EPB41L2: variants seen among roughly 807,000 people sequenced by gnomAD.
EPB41L2 encodes erythrocyte membrane protein band 4.1 like 2, also known as band 4.1-like protein 2.
EPB41L2 carries 43 observed loss-of-function variants against 113.0 expected under a neutral mutation model. The ratio of observed to expected loss-of-function variants is 0.38; its 90% CI spans 0.30 to 0.49. The LOEUF is 0.49. Ranked by LOEUF, EPB41L2 falls within the 20% of genes least tolerant of loss-of-function variation. EPB41L2 has a pLI of 0.95. For missense variants in EPB41L2, 1,147 were observed against 1,223.4 expected (o/e 0.94, Z 0.93); for synonymous variants, 442 against 436.7 (o/e 1.01, Z -0.15).
rs201844543 is a variant in EPB41L2, at chr6:131,048,155, A to G, written c.-15+15000T>C. 4.2e-4 allele frequency among the ~76,000 whole-genome samples: 39 copies of G among 93,772 alleles called. 2 individuals are homozygous for G. The highest frequency in any genetic ancestry group is 1.0e-3 in the South Asian group (3 of 2,910). The allele number at this position is 93,772 out of a possible 152,430, so 61.5% of individuals were successfully genotyped here. ...CTCTGTCTCAAAAAAAAAAAAAAAA[A>G]AAGAAAAAAAGAAAAGAAAAATCTA... On this transcript the variant is annotated intron_variant, in intron 1 of 19. Coordinates refer to ENST00000337057, the MANE Select transcript of EPB41L2 (RefSeq NM_001431.4).
chr6:131,003,687 T>A (rs1329023378), intron 1 of EPB41L2, among the ~76,000 whole-genome samples: 1 of 152,206 alleles, frequency 6.6e-6, no homozygotes, highest in African/African-American at 2.4e-5. Context: ...AAAACCATCA[T>A]ATTGTCATCT....
At chr6:131,006,711 T>G (rs1785640219) in intron 1 of EPB41L2, among the ~76,000 whole-genome samples, 1 of 151,990 alleles carries the variant, frequency 6.6e-6, no homozygotes, top group South Asian at 2.1e-4. Context: ...GAGTTAGATT[T>G]TTTAGCATTT....
chr6:131,025,333 A>G (rs951824416), intron 1 of EPB41L2, among the ~76,000 whole-genome samples: 2 of 152,180 alleles, frequency 1.3e-5, no homozygotes, highest in African/African-American at 4.8e-5. Context: ...TAATCATGAA[A>G]CCAACATCCT....
At chr6:130,949,760 C>T (rs1471655928) in intron 3 of EPB41L2, among the ~76,000 whole-genome samples, 1 of 152,060 alleles carries the variant, frequency 6.6e-6, no homozygotes, top group East Asian at 1.9e-4. Context: ...TTTTCTTCCA[C>T]CAAGAAACAG....
At chr6:130,991,235 C>T (rs1225688141) in intron 1 of EPB41L2, among the ~76,000 whole-genome samples, 4 of 152,092 alleles carry the variant, frequency 2.6e-5, no homozygotes, top group African/African-American at 7.2e-5. Context: ...TCCACTGCCC[C>T]CATCTGCCAT....
chr6:131,056,127 A>AGC, intron 1 of EPB41L2, among the ~76,000 whole-genome samples: 1 of 152,252 alleles, frequency 6.6e-6, no homozygotes, highest in African/African-American at 2.4e-5. Flanking sequence ...TAACAAGTTA[A>AGC]AACACGATGT....
chr6:130,875,866 C>G (rs1298479350), intron 14 of EPB41L2, among the ~76,000 whole-genome samples: 1 of 151,670 alleles, frequency 6.6e-6, no homozygotes, highest in East Asian at 1.9e-4. Flanking sequence ...GACTTGGTAG[C>G]AGGCACCTGT....
At chr6:131,037,011 G>A (rs191447629) in intron 1 of EPB41L2, among the ~76,000 whole-genome samples, 1 of 152,174 alleles carries the variant, frequency 6.6e-6, no homozygotes, top group Admixed American at 6.5e-5. Context: ...CTCCATTGAA[G>A]AATCTGTCTC....
At chr6:130,897,186 C>T (rs1794915934) in intron 8 of EPB41L2, among the ~76,000 whole-genome samples, 1 of 151,676 alleles carries the variant, frequency 6.6e-6, no homozygotes, top group Non-Finnish European at 1.5e-5. Flanking sequence ...CTCTCCAACT[C>T]ATCCTAACAT....
Position 130,956,472 on chromosome 6 carries a change from A to C in EPB41L2, c.14T>G (p.Val5Gly). The C allele has an allele frequency of 6.2e-7, 1 of 1,612,664 alleles. No individual in the cohort carries two copies. Among genetic ancestry groups the C allele is most frequent in the Non-Finnish European group, 8.5e-7 (1 of 1,179,492 alleles). Residue 5 changes from valine (V) to glycine (G), a missense_variant, in exon 2 of 20, where the codon GTA becomes GGA. Physicochemically the swap from Val to Gly is moderately radical, Grantham distance 109 (BLOSUM62 -3). Coordinates refer to ENST00000337057, the MANE Select transcript of EPB41L2 (RefSeq NM_001431.4). MTTE[V>G]GSVSEVKKDS... ...CTTCTTCACTTCAGACACAGAGCCT[A>C]CTTCAGTAGTCATGGCCACAGCTTA...
chr6:130,942,072 T>A (rs1045838063), intron 3 of EPB41L2, among the ~76,000 whole-genome samples: 26 of 152,246 alleles, frequency 1.7e-4, no homozygotes, highest in African/African-American at 6.0e-4. Flanking sequence ...CTGTATTTTA[T>A]TATGTTATAC....
At chr6:130,901,793 T>C (rs1796373621) in intron 6 of EPB41L2, among the ~76,000 whole-genome samples, 1 of 152,218 alleles carries the variant, frequency 6.6e-6, no homozygotes, top group African/African-American at 2.4e-5. Flanking sequence ...CTAAGGGTAA[T>C]TTCCCACCTA....
chr6:130,867,721 T>A, intron 15 of EPB41L2, 140 bp from the exon 16 acceptor site: 1 of 1,132,882 alleles, frequency 8.8e-7, no homozygotes, highest in Non-Finnish European at 1.3e-6. Flanking sequence ...GCAAACAACC[T>A]AAAACAAACA....
At chr6:131,021,697 G>C (rs1377386121) in intron 1 of EPB41L2, among the ~76,000 whole-genome samples, 1 of 151,926 alleles carries the variant, frequency 6.6e-6, no homozygotes, top group African/African-American at 2.4e-5. Context: ...ATAATAGCAA[G>C]AGCATTAGCT....
In EPB41L2 at chr6:130,859,817, G is replaced by C. The variant is rs73775324; in HGVS notation, c.2911-1574C>G. On this transcript the variant is annotated intron_variant, in intron 18 of 19. Transcript: ENST00000337057. ...TTGCACAGAAACTTGGAAGACATTT[G>C]AGGGTGCTTAAATTTCCACCAGGGA... 4.4e-3 allele frequency among the ~76,000 whole-genome samples: 665 copies of C among 151,760 alleles called. 7 individuals are homozygous for C. The highest frequency in any genetic ancestry group is 0.015 in the African/African-American group (637 of 41,394).
chr6:130,959,945 G>C (rs932151409), intron 1 of EPB41L2, among the ~76,000 whole-genome samples: 10 of 152,214 alleles, frequency 6.6e-5, no homozygotes, highest in African/African-American at 2.4e-4. Context: ...TTTAGAAGCA[G>C]TGAAATATAA....
intron 14 of EPB41L2, chr6:130,872,505 T>C: frequency 3.1e-6 from 4 of 1,289,336 alleles, no homozygotes; most frequent in Non-Finnish European, 4.0e-6. Flanking sequence ...CCCTTTTCAC[T>C]AAACAAAATT....
intron 1 of EPB41L2, among the ~76,000 whole-genome samples, chr6:131,030,551 A>C (rs1414447961): frequency 1.3e-5 from 2 of 152,224 alleles, no homozygotes; most frequent in African/African-American, 4.8e-5. Context: ...AACTCTTTAA[A>C]ATGCACTGCA....
At chr6:130,982,320 AACT>A (rs943023247) in intron 1 of EPB41L2, among the ~76,000 whole-genome samples, 6 of 152,130 alleles carry the variant, frequency 3.9e-5, no homozygotes, top group African/African-American at 1.2e-4. Context: ...TTCCAACAAC[AACT>A]ACAAAAAATC....
Sources: gnomAD v4.1 joint callset for allele counts (sites outside exome capture counted in the v4.1 genomes callset) on GRCh38, gnomAD v4.1.1 for gene constraint, MANE v1.5 for transcripts, NCBI Gene and HGNC (gene_info 2026-07-23, HGNC 2026-07-21) for gene names.